FOXP1: variants seen among roughly 807,000 people sequenced by gnomAD.
The protein encoded by FOXP1 is forkhead box P1.
In FOXP1, 15 loss-of-function variants were observed where a neutral mutation model predicts 98.2. The observed-to-expected ratio is 0.15, with a 90% CI of 0.10 to 0.24. The LOEUF is 0.24. Ranked by LOEUF, FOXP1 falls within the 10% of genes least tolerant of loss-of-function variation. FOXP1 has a pLI of 1.00. For missense variants in FOXP1, 633 were observed against 848.5 expected, an observed-to-expected ratio of 0.75 and a Z score of 3.15; for synonymous variants, 371 against 314.5, an observed-to-expected ratio of 1.18 and a Z score of -1.90.
intron 4 of FOXP1, among the ~76,000 whole-genome samples, chr3:71,314,313 A>G (rs12496035): frequency 0.62 from 94,889 of 151,870 alleles, 30,752 homozygotes; most frequent in East Asian, 0.93. Flanking sequence ...GGCGGATCTC[A>G]AGGTCAGGAG....
chr3:71,043,771 A>G, intron 10 of FOXP1, among the ~76,000 whole-genome samples: 1 of 152,206 alleles, frequency 6.6e-6, no homozygotes, highest in African/African-American at 2.4e-5. Context: ...CTCGAAGAAA[A>G]GCAGAACTTT....
At chr3:71,583,403 G>A (rs1389903576) in intron 1 of FOXP1, 168 bp downstream of exon 1, 1 of 928,900 alleles carries the variant, frequency 1.1e-6, no homozygotes, top group Non-Finnish European at 1.3e-6. Context: ...GATGCACGTG[G>A]AGCCTGGAGG....
intron 3 of FOXP1, among the ~76,000 whole-genome samples, chr3:71,482,950 C>A (rs1366405666): frequency 6.6e-6 from 1 of 151,896 alleles, no homozygotes; most frequent in Non-Finnish European, 1.5e-5. Flanking sequence ...TCCCCCCCAC[C>A]TCAGCCTCCC....
At chr3:71,145,296 G>A (rs2060256145) in intron 6 of FOXP1, among the ~76,000 whole-genome samples, 1 of 152,070 alleles carries the variant, frequency 6.6e-6, no homozygotes, top group Admixed American at 6.5e-5. Flanking sequence ...CAGGACTTTG[G>A]GAGGTCAAGG....
chr3:71,474,428 G>A (rs1396057334), intron 3 of FOXP1, among the ~76,000 whole-genome samples: 1 of 152,116 alleles, frequency 6.6e-6, no homozygotes, highest in Non-Finnish European at 1.5e-5. Flanking sequence ...TAGTTCAGGG[G>A]TCCCCAGTCC....
intron 4 of FOXP1, among the ~76,000 whole-genome samples, chr3:71,308,730 T>G (rs971088063): frequency 6.7e-6 from 1 of 150,364 alleles, no homozygotes; most frequent in African/African-American, 2.5e-5. Flanking sequence ...ATTAAATTAT[T>G]ATGAAGCATT....
intron 11 of FOXP1, among the ~76,000 whole-genome samples, chr3:71,038,464 T>A (rs1038744814): frequency 6.6e-6 from 1 of 152,140 alleles, no homozygotes; most frequent in African/African-American, 2.4e-5. Flanking sequence ...AGAAAACTTA[T>A]CCAAGGCAGT....
At chr3:70,987,928 G>A in intron 14 of FOXP1, 66 bp downstream of exon 14, 2 of 1,450,420 alleles carry the variant, frequency 1.4e-6, no homozygotes, top group Non-Finnish European at 1.9e-6. Context: ...TCCATTTGGG[G>A]TGGGGAAGTA....
intron 3 of FOXP1, among the ~76,000 whole-genome samples, chr3:71,438,729 A>G (rs1390380934): frequency 6.6e-6 from 1 of 150,584 alleles, no homozygotes; most frequent in Admixed American, 6.6e-5. Flanking sequence ...GGGAGGTTTC[A>G]GTCTAATTTG....
intron 3 of FOXP1, among the ~76,000 whole-genome samples, chr3:71,477,295 C>T (rs2089930703): frequency 6.6e-6 from 1 of 152,168 alleles, no homozygotes; most frequent in Non-Finnish European, 1.5e-5. Flanking sequence ...CACTTAAATC[C>T]CTTTGCATTT....
chr3:71,186,663 A>T lies in FOXP1; in HGVS notation c.180+11539T>A, dbSNP rs531391890. On this transcript the variant is annotated intron_variant, in intron 6 of 20. Transcript: ENST00000649528. Reference sequence around the variant, plus strand: ...GAGGTGGAGGTTGCAGTGAGCTGAGACAGGGCCACTGTACTCCAGCCTGGC... The same window carrying T: ...GAGGTGGAGGTTGCAGTGAGCTGAGTCAGGGCCACTGTACTCCAGCCTGGC... Among the ~76,000 whole-genome samples the T allele has an allele frequency of 6.6e-5, 10 of 152,324 alleles. No homozygotes were observed. In the East Asian group the frequency reaches 1.5e-3, roughly 23 times the overall value.
chr3:71,433,485 T>C (rs1439377758), intron 3 of FOXP1, among the ~76,000 whole-genome samples: 1 of 152,136 alleles, frequency 6.6e-6, no homozygotes, highest in Non-Finnish European at 1.5e-5. Context: ...AGGCTTCCAA[T>C]ACATTCAGTA....
intron 6 of FOXP1, among the ~76,000 whole-genome samples, chr3:71,195,583 G>A (rs1274685318): frequency 6.6e-6 from 1 of 152,138 alleles, no homozygotes; most frequent in Non-Finnish European, 1.5e-5. Flanking sequence ...ATTAATCAAA[G>A]CTGTAACCCC....
chr3:71,368,038 A>G (rs1255620204), intron 3 of FOXP1, among the ~76,000 whole-genome samples: 6 of 152,262 alleles, frequency 3.9e-5, no homozygotes, highest in African/African-American at 1.4e-4. Flanking sequence ...TGCATGCTAC[A>G]GCTGGACCCT....
At chr3:71,104,924 A>G (rs1376494167) in intron 7 of FOXP1, among the ~76,000 whole-genome samples, 1 of 152,192 alleles carries the variant, frequency 6.6e-6, no homozygotes, top group East Asian at 1.9e-4. Flanking sequence ...AATATTCTCT[A>G]CTTTGGCTCA....
intron 6 of FOXP1, among the ~76,000 whole-genome samples, chr3:71,180,173 A>C (rs1160083628): frequency 1.3e-5 from 2 of 151,932 alleles, no homozygotes; most frequent in Non-Finnish European, 2.9e-5. Context: ...TAAAAAAAAA[A>C]CCCACCTTTT....
chr3:71,435,927 C>G (rs1197284063), intron 3 of FOXP1, among the ~76,000 whole-genome samples: 109 of 27,704 alleles, frequency 3.9e-3, no homozygotes, highest in African/African-American at 0.013. Context: ...GAGGAAGGGA[C>G]GGAGGGAGGG....
At chr3:71,039,834 T>TC (rs1322770128) in intron 11 of FOXP1, among the ~76,000 whole-genome samples, 1 of 151,522 alleles carries the variant, frequency 6.6e-6, no homozygotes, top group East Asian at 1.9e-4. Context: ...TACATATCTA[T>TC]CCTTGCCAGA....
intron 2 of FOXP1, chr3:71,572,484 T>A (rs976350809): frequency 7.3e-6 from 1 of 137,832 alleles, no homozygotes; most frequent in African/African-American, 2.7e-5. Context: ...GCTACATGTA[T>A]CCACATGGAT....
Sources: allele counts gnomAD v4.1 joint callset (sites outside exome capture counted in the v4.1 genomes callset), GRCh38; gene constraint gnomAD v4.1.1; transcripts MANE v1.5; gene names NCBI Gene and HGNC (gene_info 2026-07-23, HGNC 2026-07-21).